Variants in MAML2 observed in about 807,000 individuals in gnomAD.
MAML2 encodes mastermind-like protein 2.
In MAML2, 22 loss-of-function variants were observed where a neutral mutation model predicts 96.1. The ratio of observed to expected loss-of-function variants is 0.23; its 90% CI spans 0.16 to 0.33. The LOEUF is 0.33. Ranked by LOEUF, MAML2 falls within the 10% of genes least tolerant of loss-of-function variation. The pLI, the probability that MAML2 is intolerant of heterozygous loss-of-function variation, is 1.00. For synonymous variants in MAML2, 561 were observed against 521.3 expected, an observed-to-expected ratio of 1.08 and a Z score of -1.04; for missense variants, 1,367 against 1,392.4, an observed-to-expected ratio of 0.98 and a Z score of 0.29.
At chr11:96,069,764 C>G (rs1042003302) in intron 2 of MAML2, among the ~76,000 whole-genome samples, 1 of 152,168 alleles carries the variant, frequency 6.6e-6, no homozygotes, top group Non-Finnish European at 1.5e-5. Flanking sequence ...GTGGCTCACA[C>G]CTGTAATCCC....
At chr11:96,098,101 G>A (rs1402686688) in intron 1 of MAML2, among the ~76,000 whole-genome samples, 2 of 152,172 alleles carry the variant, frequency 1.3e-5, no homozygotes, top group Non-Finnish European at 2.9e-5. Context: ...TGCCTTGTGA[G>A]CACAGGGCAG....
chr11:96,193,378 A>G (rs76536912), intron 1 of MAML2, among the ~76,000 whole-genome samples: 1 of 151,530 alleles, frequency 6.6e-6, no homozygotes, highest in African/African-American at 2.4e-5. Context: ...CAACAACAAC[A>G]AAAAAAAATG....
intron 1 of MAML2, among the ~76,000 whole-genome samples, chr11:96,240,982 T>C (rs1010066202): frequency 2.0e-5 from 3 of 152,232 alleles, no homozygotes; most frequent in African/African-American, 7.2e-5. Flanking sequence ...TGCTGTGAAC[T>C]AGAAACACTA....
chr11:96,342,857 AAG>A lies in MAML2; in HGVS notation c.-964_-963del. 1 of 337,354 alleles carries A rather than the reference AAG, an allele frequency of 3.0e-6. No individual in the cohort carries two copies. 20.9% of individuals were successfully genotyped at this position (337,354 alleles called of 1,614,324 possible). On this transcript the variant is annotated 5_prime_UTR_variant, in exon 1 of 5. Coordinates refer to ENST00000524717, the MANE Select transcript of MAML2 (RefSeq NM_032427.4). ...CCCGGCTCTATTCTAATACAGTATC[AAG>A]AGAGACAAACTCTTCCGAGAGTAAT... is the stretch of plus-strand genomic sequence containing the variant.
Position 96,214,691 on chromosome 11 carries a change from C to T in MAML2, c.514-121174G>A, listed in dbSNP as rs146099048. The stretch of plus-strand genomic sequence containing the variant: ...CACACACTTACTTCTAGGTCATTGG[C>T]CAACATTTTTGTCCTGAGTGGCAGT... On this transcript the variant is annotated intron_variant, in intron 1 of 4. Coordinates refer to ENST00000524717, the MANE Select transcript of MAML2 (RefSeq NM_032427.4). Among the ~76,000 whole-genome samples, 524 of 152,296 alleles carry T rather than the reference C, an allele frequency of 3.4e-3. 3 individuals carry two copies. Among genetic ancestry groups the T allele is most frequent in the South Asian group, 0.014 (68 of 4,820 alleles).
Position 96,225,272 on chromosome 11 carries a change from T to C in MAML2, c.513+116111A>G, listed in dbSNP as rs181979673. Among the ~76,000 whole-genome samples, 3 of 152,300 alleles carry C rather than the reference T, an allele frequency of 2.0e-5. No individual in the cohort carries two copies. The East Asian group carries it at 5.8e-4, about 29-fold the overall frequency. On this transcript the variant is annotated intron_variant, in intron 1 of 4. Transcript: ENST00000524717. ...GCTTTCTCTCTTTGATCACTTGCTA[T>C]AGGGAAGCCAGCCACCATGTCAGGA...
At chr11:96,311,345 T>A (rs1177366273) in intron 1 of MAML2, among the ~76,000 whole-genome samples, 1 of 152,238 alleles carries the variant, frequency 6.6e-6, no homozygotes, top group East Asian at 1.9e-4. Flanking sequence ...GTATAAGCCA[T>A]TAGGAATCCT....
chr11:96,123,105 C>A (rs916384487), intron 1 of MAML2, among the ~76,000 whole-genome samples: 13 of 152,154 alleles, frequency 8.5e-5, no homozygotes, highest in Admixed American at 2.0e-4. Context: ...TGATGAGATG[C>A]CCATGTCTGT....
intron 2 of MAML2, among the ~76,000 whole-genome samples, chr11:96,026,264 C>A (rs1025413655): frequency 6.6e-6 from 1 of 152,198 alleles, no homozygotes; most frequent in Non-Finnish European, 1.5e-5. Flanking sequence ...TGCAGCCCTG[C>A]GGCTAAAGTT....
chr11:96,019,685 TATA>T (rs966236547), intron 2 of MAML2, among the ~76,000 whole-genome samples: 36 of 2,690 alleles, frequency 0.013, no homozygotes, highest in Non-Finnish European at 0.02. Context: ...TAATAATAAT[TATA>T]ATAATAATAA....
chr11:96,035,887 C>T lies in MAML2; in HGVS notation c.2140-44164G>A, dbSNP rs1858703738. ...GCTCCATGTGACCGTGGGCAAGTTA[C>T]ATAACCTCTCTGATACACGTGCTGG... is the stretch of plus-strand genomic sequence containing the variant. On this transcript the variant is annotated intron_variant, in intron 2 of 4. Transcript: ENST00000524717. 2.0e-5 allele frequency among the ~76,000 whole-genome samples: 3 copies of T among 152,136 alleles called. No homozygotes were observed. In the South Asian group the frequency reaches 6.2e-4, roughly 32 times the overall value.
At chr11:96,191,194 A>G (rs1313587339) in intron 1 of MAML2, among the ~76,000 whole-genome samples, 1 of 152,254 alleles carries the variant, frequency 6.6e-6, no homozygotes, top group Admixed American at 6.5e-5. Flanking sequence ...GGCCGGGCGC[A>G]GTGGCTCACG....
intron 2 of MAML2, among the ~76,000 whole-genome samples, chr11:96,011,048 C>T (rs1257425390): frequency 6.6e-6 from 1 of 152,082 alleles, no homozygotes; most frequent in South Asian, 2.1e-4. Flanking sequence ...GTCAGAATGG[C>T]TCTTATTAAA....
intron 2 of MAML2, among the ~76,000 whole-genome samples, chr11:96,040,810 A>T (rs527543504): frequency 6.6e-6 from 1 of 152,290 alleles, no homozygotes; most frequent in Admixed American, 6.5e-5. Context: ...ACTTCTCATA[A>T]CTAACCACCC....
intron 2 of MAML2, among the ~76,000 whole-genome samples, chr11:96,039,289 G>A (rs1858767673): frequency 6.8e-6 from 1 of 147,014 alleles, no homozygotes; most frequent in African/African-American, 2.5e-5. Context: ...AGGAGACAGA[G>A]GTGAGAGAAG....
At chr11:96,077,775 G>C (rs1368236330) in intron 2 of MAML2, among the ~76,000 whole-genome samples, 1 of 152,170 alleles carries the variant, frequency 6.6e-6, no homozygotes, top group Non-Finnish European at 1.5e-5. Context: ...CTGCAGCGGT[G>C]GTGGGCCCTG....
At chr11:96,308,175 A>G (rs516320) in intron 1 of MAML2, among the ~76,000 whole-genome samples, 112,380 of 152,002 alleles carry the variant, frequency 0.74, 41,776 homozygotes, top group East Asian at 0.82. Context: ...TTTGGGGGGC[A>G]GTGGTGGTGG....
chr11:96,101,822 G>T (rs1429267247), intron 1 of MAML2, among the ~76,000 whole-genome samples: 1 of 152,162 alleles, frequency 6.6e-6, no homozygotes, highest in Non-Finnish European at 1.5e-5. Flanking sequence ...AACAAAACCA[G>T]ATTTTTTTCT....
At chr11:96,136,028 C>T (rs773361733) in intron 1 of MAML2, among the ~76,000 whole-genome samples, 4 of 152,120 alleles carry the variant, frequency 2.6e-5, no homozygotes, top group East Asian at 3.8e-4. Context: ...GGCACCAAGC[C>T]GACCTGCACT....
Sources: allele counts gnomAD v4.1 joint callset (sites outside exome capture counted in the v4.1 genomes callset), GRCh38; gene constraint gnomAD v4.1.1; transcripts MANE v1.5; gene names NCBI Gene and HGNC (gene_info 2026-07-23, HGNC 2026-07-21).